PLD5: variants seen among roughly 807,000 people sequenced by gnomAD.
The protein encoded by PLD5 is phospholipase D family member 5.
PLD5 carries 36 observed loss-of-function variants against 61.1 expected under a neutral mutation model. The ratio of observed to expected loss-of-function variants is 0.59; its 90% CI spans 0.45 to 0.78. The LOEUF is 0.78. Among genes scored for constraint, PLD5 ranks in the 30% least tolerant of loss-of-function variants. The probability of loss-of-function intolerance (pLI) is 0.00; values close to 1 mark genes in which losing one functional copy is unlikely to be tolerated. For missense variants in PLD5, 515 were observed against 644.4 expected, an observed-to-expected ratio of 0.80 and a Z score of 2.17; for synonymous variants, 243 against 242.8, an observed-to-expected ratio of 1.00 and a Z score of -0.01.
rs376506913 is a variant in PLD5 at position 242,092,400 on chromosome 1, G to A, written c.1355-2290C>T. Among the ~76,000 whole-genome samples, 9 of 152,194 alleles carry A rather than the reference G, an allele frequency of 5.9e-5. No homozygotes were observed. In the East Asian group the frequency reaches 1.5e-3, roughly 26 times the overall value. On this transcript the variant is annotated intron_variant, in intron 9 of 9. Transcript: ENST00000536534. ...GTGAATAAATTTGCCTAATCACATG[G>A]TTAATCACTGGTGCACCCAGGTCTG... is the stretch of plus-strand genomic sequence containing the variant.
At chr1:242,528,595 C>T (rs1407162704), upstream of PLD5, among the ~76,000 whole-genome samples, 2 of 152,112 alleles carry the variant, frequency 1.3e-5, no homozygotes, top group African/African-American at 4.8e-5. Flanking sequence ...AATGATAATA[C>T]CTTACATTTC....
At chr1:242,173,347 T>C (rs370841608) in intron 5 of PLD5, among the ~76,000 whole-genome samples, 3 of 152,156 alleles carry the variant, frequency 2.0e-5, no homozygotes, top group Non-Finnish European at 2.9e-5. Flanking sequence ...TTACAAGGGA[T>C]GTGAAGGACC....
intron 3 of PLD5, among the ~76,000 whole-genome samples, chr1:242,269,835 T>C (rs982075139): frequency 2.6e-5 from 4 of 151,796 alleles, no homozygotes; most frequent in Admixed American, 2.6e-4. Context: ...TTTTACGCAA[T>C]TAGAGAAAGG....
At chr1:242,346,489 G>A (rs1469436346) in intron 2 of PLD5, among the ~76,000 whole-genome samples, 1 of 152,082 alleles carries the variant, frequency 6.6e-6, no homozygotes, top group African/African-American at 2.4e-5. Context: ...TATGAGTCAT[G>A]GGCCCCTTGT....
intron 5 of PLD5, among the ~76,000 whole-genome samples, chr1:242,219,230 C>A (rs867769725): frequency 6.6e-6 from 1 of 152,130 alleles, no homozygotes; most frequent in Non-Finnish European, 1.5e-5. Context: ...TAGAAAGGAA[C>A]ACTAATTTAA....
At chr1:242,439,281 G>A (rs907497571) in intron 1 of PLD5, among the ~76,000 whole-genome samples, 21 of 152,180 alleles carry the variant, frequency 1.4e-4, no homozygotes, top group African/African-American at 5.1e-4. Context: ...AAGGTCATTC[G>A]GAGACCGAGG....
At chr1:242,214,374 CT>C (rs1316573966) in intron 5 of PLD5, among the ~76,000 whole-genome samples, 1 of 152,130 alleles carries the variant, frequency 6.6e-6, no homozygotes, top group Non-Finnish European at 1.5e-5. Flanking sequence ...ATTTCAGAAC[CT>C]TGAGAGAGCC....
chr1:242,242,042 CACAT>C (rs1349665242), intron 4 of PLD5, among the ~76,000 whole-genome samples: 1 of 145,922 alleles, frequency 6.9e-6, no homozygotes, highest in African/African-American at 2.6e-5. Context: ...CACACACACA[CACAT>C]ATGGTTGATG....
intron 5 of PLD5, among the ~76,000 whole-genome samples, chr1:242,169,647 C>T (rs9970557): frequency 0.32 from 48,257 of 151,992 alleles, 7,920 homozygotes; most frequent in South Asian, 0.43. Flanking sequence ...TGGGTCCTAA[C>T]CCCATGGAGC....
intron 5 of PLD5, among the ~76,000 whole-genome samples, chr1:242,184,022 C>T (rs561054815): frequency 8.9e-4 from 135 of 152,260 alleles, no homozygotes; most frequent in African/African-American, 1.9e-3. Context: ...AAAAGTTGTA[C>T]GCATTAATTT....
chr1:242,446,912 G>A (rs867831978), intron 1 of PLD5, among the ~76,000 whole-genome samples: 29 of 152,248 alleles, frequency 1.9e-4, no homozygotes, highest in African/African-American at 6.5e-4. Flanking sequence ...GGGCCCTAGA[G>A]CCAGTAGCCA....
intron 1 of PLD5, among the ~76,000 whole-genome samples, chr1:242,457,162 G>T (rs1172132396): frequency 6.6e-6 from 1 of 152,114 alleles, no homozygotes; most frequent in Non-Finnish European, 1.5e-5. Context: ...ACAGACAATG[G>T]TCCAGCCTAT....
At chr1:242,314,976 A>AC (rs1676923224) in intron 2 of PLD5, among the ~76,000 whole-genome samples, 1 of 152,234 alleles carries the variant, frequency 6.6e-6, no homozygotes, top group Non-Finnish European at 1.5e-5. Context: ...ATGAAATACA[A>AC]CACATAGAAG....
chr1:242,390,537 C>A (rs897045637), intron 1 of PLD5, among the ~76,000 whole-genome samples: 1 of 151,898 alleles, frequency 6.6e-6, no homozygotes, highest in African/African-American at 2.4e-5. Flanking sequence ...TCTTTGATGC[C>A]GAAGTCAAAG....
intron 1 of PLD5, among the ~76,000 whole-genome samples, chr1:242,439,534 G>C (rs1405989153): frequency 1.3e-5 from 2 of 152,150 alleles, no homozygotes; most frequent in Non-Finnish European, 2.9e-5. Context: ...CATAGAATCT[G>C]GTGAGCAGCT....
chr1:242,407,557 T>G (rs201930272), intron 1 of PLD5, among the ~76,000 whole-genome samples: 4,756 of 116,188 alleles, frequency 0.041, 294 homozygotes, highest in African/African-American at 0.16. Context: ...GTTGTGGTTG[T>G]TTTGTTTTTT....
chr1:242,448,030 A>ATTATTTATTTATTTATTTAT (rs538224233), intron 1 of PLD5, among the ~76,000 whole-genome samples: 7 of 152,146 alleles, frequency 4.6e-5, no homozygotes, highest in African/African-American at 1.4e-4. Flanking sequence ...AGATATGTGC[A>ATTATTTATTTATTTATTTAT]TTATTTATTT....
At chr1:242,403,068 A>T (rs1212023066) in intron 1 of PLD5, among the ~76,000 whole-genome samples, 3 of 152,230 alleles carry the variant, frequency 2.0e-5, no homozygotes, top group African/African-American at 7.2e-5. Flanking sequence ...GAGAAACAGA[A>T]AACATGTGGA....
intron 1 of PLD5, among the ~76,000 whole-genome samples, chr1:242,440,879 C>A (rs1666242564): frequency 6.6e-6 from 1 of 152,178 alleles, no homozygotes; most frequent in Admixed American, 6.5e-5. Context: ...AGGTCATTCA[C>A]CCCCTTGACA....
Sources: gnomAD v4.1 joint callset for allele counts (sites outside exome capture counted in the v4.1 genomes callset) on GRCh38, gnomAD v4.1.1 for gene constraint, MANE v1.5 for transcripts, NCBI Gene and HGNC (gene_info 2026-07-23, HGNC 2026-07-21) for gene names.